SOX30: variants seen among roughly 807,000 people sequenced by gnomAD.
The protein encoded by SOX30 is SRY-box transcription factor 30, also known as transcription factor SOX-30.
In SOX30, 17 loss-of-function variants were observed where a neutral mutation model predicts 58.6. That is an observed-to-expected ratio of 0.29 (90% confidence interval 0.20 to 0.44). SOX30 has a LOEUF of 0.44. Ranked by LOEUF, SOX30 falls within the 20% of genes least tolerant of loss-of-function variation. The pLI is 1.00. For missense variants in SOX30, 951 were observed against 965.8 expected, an observed-to-expected ratio of 0.98 and a Z score of 0.20; for synonymous variants, 421 against 400.2, an observed-to-expected ratio of 1.05 and a Z score of -0.62.
At chr5:157,654,120 G>A (rs553285861), upstream of SOX30, among the ~76,000 whole-genome samples, 7 of 150,792 alleles carry the variant, frequency 4.6e-5, no homozygotes, top group African/African-American at 1.5e-4. Flanking sequence ...AGCCGAGATC[G>A]TGCCACTGCA....
rs1561591709 is a variant in SOX30, at chr5:157,666,518, CA to C, written c.52+1279del. ...ACACACACACACACACACACACACA[CA>C]CACACACACCTCAGTTCAAATGAAA... On this transcript the variant is annotated intron_variant, in intron 2 of 5. Transcript: ENST00000519442. Among the ~76,000 whole-genome samples the C allele has an allele frequency of 4.6e-3, 680 of 147,122 alleles. 11 individuals carry two copies. The highest frequency in any genetic ancestry group is 0.017 in the African/African-American group (647 of 37,284).
In SOX30 at chr5:157,626,439, A is replaced by G; in HGVS notation, c.2163T>C (p.Asn721=). Residue 721 remains asparagine (N), a synonymous_variant, in exon 5 of 5, where the codon AAT becomes AAC. Transcript: ENST00000265007. ...VPQLDIGTLE[N]VFTAPTSTPS... ...GAGTTGATGTCGGGGCTGTGAAGACATTCTCCAAGGTTCCAATGTCCAGCT... is the reference window on the plus strand; with the variant it reads ...GAGTTGATGTCGGGGCTGTGAAGACGTTCTCCAAGGTTCCAATGTCCAGCT... 6.2e-7 allele frequency: 1 copy of G among 1,614,214 alleles called. No homozygotes were observed. Among genetic ancestry groups the G allele is most frequent in the Non-Finnish European group, 8.5e-7 (1 of 1,180,036 alleles).
chr5:157,649,338 C>T (rs1035003770), intron 1 of SOX30, among the ~76,000 whole-genome samples: 3 of 152,158 alleles, frequency 2.0e-5, no homozygotes, highest in Admixed American at 1.3e-4. Flanking sequence ...TTCACAGGAA[C>T]TCATCTACAT....
intron 4 of SOX30, among the ~76,000 whole-genome samples, chr5:157,627,468 G>C (rs531482247): frequency 1.3e-5 from 2 of 152,224 alleles, no homozygotes; most frequent in South Asian, 4.1e-4. Flanking sequence ...CTCATGTTGG[G>C]GGGGAAATGT....
chr5:157,652,082 G>A lies in SOX30; in HGVS notation c.-4C>T. On this transcript the variant is annotated 5_prime_UTR_variant, in exon 1 of 5. Transcript: ENST00000265007. ...GCTCGGGTCTGGCTCTCTCCATGGG[G>A]GAGGGGGACGCCCCGGCCAGGATTG... 1.4e-6 allele frequency: 2 copies of A among 1,400,016 alleles called. No homozygotes were observed. Among genetic ancestry groups the A allele is most frequent in the Middle Eastern group, 4.7e-4 (2 of 4,262 alleles). The allele number at this position is 1,400,016 out of a possible 1,614,324, so 86.7% of individuals were successfully genotyped here. A position where few individuals can be genotyped will look rare whatever the true frequency, so the allele number is the denominator to read the frequency against.
intron 4 of SOX30, among the ~76,000 whole-genome samples, chr5:157,635,375 G>A (rs1272616743): frequency 2.0e-5 from 3 of 152,198 alleles, no homozygotes; most frequent in Non-Finnish European, 4.4e-5. Flanking sequence ...TATAATCCCA[G>A]TAGTTTGGGA....
At position 157,626,220 on chromosome 5, in the gene SOX30, C is replaced by A; in HGVS notation, c.*120G>T. On this transcript the variant is annotated 3_prime_UTR_variant, in exon 5 of 5. Transcript: ENST00000265007. ...AGACATAAATTGCATTTGGTTTTAA[C>A]TCCTCAAATCACGACTGAAAACTTT... 1.1e-6 allele frequency: 1 copy of A among 873,136 alleles called. No homozygotes were observed. The highest frequency in any genetic ancestry group is 3.4e-5 in the Admixed American group (1 of 29,652). The allele number at this position is 873,136 out of a possible 1,614,324, so 54.1% of individuals were successfully genotyped here.
chr5:157,644,443 C>T (rs1179329564), intron 3 of SOX30, among the ~76,000 whole-genome samples: 1 of 152,210 alleles, frequency 6.6e-6, no homozygotes, highest in Non-Finnish European at 1.5e-5. Context: ...TTAAATACAA[C>T]ATCATGGAGA....
At chr5:157,644,626 G>A (rs1050871464) in intron 3 of SOX30, among the ~76,000 whole-genome samples, 2 of 152,212 alleles carry the variant, frequency 1.3e-5, no homozygotes, top group African/African-American at 4.8e-5. Flanking sequence ...AGAAGCAGAT[G>A]TAAGTGAGGT....
chr5:157,644,987 T>C (rs1759153323), intron 3 of SOX30, among the ~76,000 whole-genome samples: 1 of 151,918 alleles, frequency 6.6e-6, no homozygotes, highest in Non-Finnish European at 1.5e-5. Flanking sequence ...TCTTAAAAAA[T>C]AAATAAATAA....
chr5:157,636,784 TC>T (rs1758937587), intron 4 of SOX30, among the ~76,000 whole-genome samples: 1 of 152,146 alleles, frequency 6.6e-6, no homozygotes, highest in Non-Finnish European at 1.5e-5. Flanking sequence ...AGTTTAATAC[TC>T]CCGTCTCAAC....
At chr5:157,668,816 G>A (rs765449491) in intron 1 of SOX30, among the ~76,000 whole-genome samples, 22 of 152,048 alleles carry the variant, frequency 1.4e-4, no homozygotes, top group Non-Finnish European at 2.2e-4. Flanking sequence ...TGTGCAGATC[G>A]CCCCTCCTAT....
chr5:157,637,608 T>C (rs1192145344), intron 4 of SOX30, among the ~76,000 whole-genome samples: 2 of 152,224 alleles, frequency 1.3e-5, no homozygotes, highest in Non-Finnish European at 2.9e-5. Context: ...ACCCCCTCTA[T>C]ACAATAAGTA....
Position 157,626,456 on chromosome 5 carries a change from T to C in SOX30, c.2146A>G (p.Ile716Val). The change falls in exon 5 of 5, where the codon ATT becomes GTT. Residue 716 changes from isoleucine to valine, a missense_variant. Physicochemically the swap from Ile to Val is conservative, Grantham distance 29. This residue lies in a region of SOX30 where 381 missense variants were observed against 390.0 expected (regional missense o/e 0.98). Transcript: ENST00000265007. Reference sequence around the variant, plus strand: ...GTGAAGACATTCTCCAAGGTTCCAATGTCCAGCTGAGGCACAGGGTTTAAG... The same window carrying C: ...GTGAAGACATTCTCCAAGGTTCCAACGTCCAGCTGAGGCACAGGGTTTAAG... Reference protein sequence around the residue: ...ENLNPVPQLDIGTLENVFTAP... With the variant: ...ENLNPVPQLDVGTLENVFTAP... The C allele has an allele frequency of 6.2e-7, 1 of 1,614,260 alleles. No homozygotes were observed. The highest frequency in any genetic ancestry group is 8.5e-7 in the Non-Finnish European group (1 of 1,180,044).
In SOX30 at chr5:157,639,805, T is replaced by C. The variant is rs577836379; in HGVS notation, c.1388-1083A>G. The stretch of plus-strand genomic sequence containing the variant: ...CCAAGAAATTCTGCGGTTGGACATG[T>C]CTCTGTCATAGACTGAAAGAAATGT... On this transcript the variant is annotated intron_variant, in intron 3 of 4. Transcript: ENST00000265007. Among the ~76,000 whole-genome samples the C allele has an allele frequency of 2.0e-5, 3 of 152,364 alleles. No individual in the cohort carries two copies. The East Asian group carries it at 5.8e-4, about 29-fold the overall frequency.
intron 1 of SOX30, among the ~76,000 whole-genome samples, chr5:157,669,863 G>A (rs1340854228): frequency 2.0e-5 from 3 of 152,128 alleles, no homozygotes; most frequent in African/African-American, 7.2e-5. Flanking sequence ...GAGTGGGGAT[G>A]GGGGTGGTTC....
intron 2 of SOX30, among the ~76,000 whole-genome samples, chr5:157,662,158 T>C (rs1164115566): frequency 6.6e-6 from 1 of 152,200 alleles, no homozygotes; most frequent in Non-Finnish European, 1.5e-5. Context: ...AAAATATTCC[T>C]TTATAAGCCT....
intron 2 of SOX30, among the ~76,000 whole-genome samples, chr5:157,657,966 T>C (rs1759507940): frequency 6.6e-6 from 1 of 152,204 alleles, no homozygotes; most frequent in South Asian, 2.1e-4. Flanking sequence ...GGAATTGGCC[T>C]CAGACCTTGT....
rs1758661602 is a variant in SOX30, at chr5:157,626,591, A to T, written c.2011T>A (p.Ser671Thr). The T allele has an allele frequency of 6.2e-7, 1 of 1,614,078 alleles. No homozygotes were observed. Among genetic ancestry groups the T allele is most frequent in the Admixed American group, 1.7e-5 (1 of 59,992 alleles). ...GIFSTLNRDYSFRDYSSECTH... is the reference protein window; with the variant it reads ...GIFSTLNRDYTFRDYSSECTH... ...CATTCACTTGAGTAGTCTCTAAAAG[A>T]ATAGTCTCTATTTAAAGTTGAAAAG... The change falls in exon 5 of 5, where the codon TCT (serine) becomes ACT (threonine). Residue 671 changes from serine (S) to threonine (T), a missense_variant. Ser to Thr is a moderately conservative substitution (Grantham distance 58, BLOSUM62 1). Coordinates refer to ENST00000265007, the MANE Select transcript of SOX30 (RefSeq NM_178424.2).
Sources: gnomAD v4.1 joint callset for allele counts (sites outside exome capture counted in the v4.1 genomes callset) on GRCh38, gnomAD v4.1.1 for gene constraint, gnomAD v4.1.1 regional missense constraint, MANE v1.5 for transcripts, NCBI Gene and HGNC (gene_info 2026-07-23, HGNC 2026-07-21) for gene names.